ATP2A3: variants seen among roughly 807,000 people sequenced by gnomAD.
ATP2A3 encodes sarcoplasmic/endoplasmic reticulum calcium ATPase 3.
Under a neutral mutation model 106.8 loss-of-function variants are expected in ATP2A3, and 61 were observed. That is an observed-to-expected ratio of 0.57 (90% CI 0.46 to 0.71). ATP2A3 has a LOEUF of 0.71. Among genes scored for constraint, ATP2A3 ranks in the 30% least tolerant of loss-of-function variants. The pLI is 0.00. For missense variants in ATP2A3, 1,201 were observed against 1,423.5 expected (o/e 0.84, Z 2.52); for synonymous variants, 611 against 609.3 (o/e 1.00, Z -0.04).
intron 20 of ATP2A3, chr17:3,927,985 G>A (rs1341844924): frequency 6.2e-7 from 1 of 1,613,940 alleles, no homozygotes; most frequent in Admixed American, 1.7e-5. Flanking sequence ...GCTCACCCCT[G>A]CTTCCTCCCT....
At chr17:3,937,886 G>A (rs974703773) in intron 14 of ATP2A3, among the ~76,000 whole-genome samples, 11 of 152,166 alleles carry the variant, frequency 7.2e-5, no homozygotes, top group African/African-American at 2.7e-4. Flanking sequence ...ATGATGAGGT[G>A]GGGATGGGGA....
chr17:3,924,932 C>A lies in ATP2A3; in HGVS notation c.*490G>T, dbSNP rs1346592388. On this transcript the variant is annotated 3_prime_UTR_variant, in exon 21 of 21. Transcript: ENST00000397041. This position sits in a 1 kb window ranked among gnomAD's most constrained non-coding sequence, Gnocchi z 6.4. ...GATGGCCCCTTCTGATCCCCCAGGG[C>A]TGACCCAGTCCCAGACCAGGCACGA... The A allele has an allele frequency of 2.3e-6, 1 of 437,748 alleles. No homozygotes were observed. Among genetic ancestry groups the A allele is most frequent in the Non-Finnish European group, 4.6e-6 (1 of 218,562 alleles). The allele number at this position is 437,748 out of a possible 1,614,324, so 27.1% of individuals were successfully genotyped here.
chr17:3,956,264 G>T (rs552039905), intron 1 of ATP2A3, among the ~76,000 whole-genome samples: 1 of 152,218 alleles, frequency 6.6e-6, no homozygotes, highest in Admixed American at 6.5e-5. Flanking sequence ...CCAGTCTTTG[G>T]TGCTCATTAT....
At chr17:3,963,346 G>A (rs2055244172) in intron 1 of ATP2A3, among the ~76,000 whole-genome samples, 1 of 152,264 alleles carries the variant, frequency 6.6e-6, no homozygotes, top group Non-Finnish European at 1.5e-5. Flanking sequence ...GGTCCTGCCT[G>A]GAAGGGATGT....
chr17:3,925,536 A>G lies in ATP2A3; in HGVS notation c.2981-95T>C. On this transcript the variant is annotated intron_variant, in intron 20 of 20. Transcript: ENST00000397041. This position sits in a 1 kb window ranked among gnomAD's most constrained non-coding sequence, Gnocchi z 4.2. ...GCCCCTTCCATCCTCCACTTCTCCC[A>G]GGACAGCCCCAGGCTCCCAAGGCCT... 1 of 1,481,812 alleles carries G rather than the reference A, an allele frequency of 6.7e-7. No homozygotes were observed. Among genetic ancestry groups the G allele is most frequent in the Non-Finnish European group, 9.2e-7 (1 of 1,091,542 alleles). The allele number at this position is 1,481,812 out of a possible 1,614,324, so 91.8% of individuals were successfully genotyped here. A position where few individuals can be genotyped will look rare whatever the true frequency, so the allele number is the denominator to read the frequency against.
rs1321747632 is a variant in ATP2A3 at position 3,925,757 on chromosome 17, C to T, written c.2981-316G>A. 2.6e-5 allele frequency among the ~76,000 whole-genome samples: 4 copies of T among 152,252 alleles called. No individual in the cohort carries two copies. The highest frequency in any genetic ancestry group is 6.5e-5 in the Admixed American group (1 of 15,296). ...TATCGTAAGGTTCAGACACCAGGCTCATCCTTGCTTCTCTTGCCCATCACA... is the reference window on the plus strand; with the variant it reads ...TATCGTAAGGTTCAGACACCAGGCTTATCCTTGCTTCTCTTGCCCATCACA... On this transcript the variant is annotated intron_variant, in intron 20 of 20. Coordinates refer to ENST00000397041, the MANE Select transcript of ATP2A3 (RefSeq NM_005173.4). This position sits in a 1 kb window ranked among gnomAD's most constrained non-coding sequence, Gnocchi z 4.2.
intron 14 of ATP2A3, among the ~76,000 whole-genome samples, chr17:3,939,651 G>A (rs2053627953): frequency 6.6e-6 from 1 of 151,806 alleles, no homozygotes; most frequent in Admixed American, 6.6e-5. Context: ...GCTGGGCATG[G>A]TGGTGCGCGC....
intron 6 of ATP2A3, 45 bp from the exon 7 acceptor site, chr17:3,950,641 C>T (rs765095823): frequency 6.2e-7 from 1 of 1,613,746 alleles, no homozygotes. Context: ...GAAGACACGC[C>T]CATCCCTTAG....
chr17:3,944,593 T>C, intron 10 of ATP2A3, 111 bp downstream of exon 10: 1 of 1,093,074 alleles, frequency 9.1e-7, no homozygotes, highest in Non-Finnish European at 1.4e-6. Context: ...TCCCTGGGTG[T>C]GGCACTTCCA....
chr17:3,940,287 C>T (rs757165319), intron 14 of ATP2A3, among the ~76,000 whole-genome samples: 1 of 151,960 alleles, frequency 6.6e-6, no homozygotes, highest in Non-Finnish European at 1.5e-5. Flanking sequence ...AAAAACAGAA[C>T]CACAAACAAC....
At chr17:3,951,542 G>GA in intron 4 of ATP2A3, 39 bp downstream of exon 4, 3 of 1,483,208 alleles carry the variant, frequency 2.0e-6, no homozygotes, top group Non-Finnish European at 2.7e-6. Context: ...GTGGCTGGGA[G>GA]ACCGCCCCCC....
chr17:3,955,280 T>G lies in ATP2A3; in HGVS notation c.119-1570A>C, dbSNP rs1256640345. On this transcript the variant is annotated intron_variant, in intron 1 of 20. Transcript: ENST00000397041. The surrounding 1 kb of genome is among the most constrained non-coding windows in gnomAD (Gnocchi z 4.2). ...TTGGCCTACAGGCATTTTTTTTTCCTACGGGAGCCCTCTCCCCGGACCACC... is the reference window on the plus strand; with the variant it reads ...TTGGCCTACAGGCATTTTTTTTTCCGACGGGAGCCCTCTCCCCGGACCACC... 6.6e-6 allele frequency among the ~76,000 whole-genome samples: 1 copy of G among 152,164 alleles called. No individual in the cohort carries two copies. The highest frequency in any genetic ancestry group is 1.5e-5 in the Non-Finnish European group (1 of 68,014).
In ATP2A3 at chr17:3,950,738, C is replaced by T. The variant is rs528845663; in HGVS notation, c.499G>A (p.Glu167Lys). 2.5e-6 allele frequency: 4 copies of T among 1,613,702 alleles called. No individual in the cohort carries two copies. The highest frequency in any genetic ancestry group is 2.7e-5 in the African/African-American group (2 of 74,902). Residue 167 changes from glutamate to lysine, a missense_variant, in exon 6 of 21, where the codon GAG (glutamate) becomes AAG (lysine). Coordinates refer to ENST00000397041, the MANE Select transcript of ATP2A3 (RefSeq NM_005173.4). ...ACTCGCAGCGTGGTGGACTTGATCT[C>T]GATGAGGCGGAGGTCAGCAGGCACT... The part of the protein sequence containing the change: ...DKVPADLRLI[E>K]IKSTTLRVDQ...
Position 3,955,144 on chromosome 17 carries a change from T to A in ATP2A3, c.119-1434A>T, listed in dbSNP as rs1349083304. ...ACAGTCTCCGGACATCTGTGGCATC[T>A]CCCCGAAGCTCGTTAGCCATGCGGA... On this transcript the variant is annotated intron_variant, in intron 1 of 20. Transcript: ENST00000397041. This position sits in a 1 kb window ranked among gnomAD's most constrained non-coding sequence, Gnocchi z 4.2. Among the ~76,000 whole-genome samples the A allele has an allele frequency of 6.6e-6, 1 of 152,202 alleles. No individual in the cohort carries two copies. Among genetic ancestry groups the A allele is most frequent in the East Asian group, 1.9e-4 (1 of 5,194 alleles).
At chr17:3,959,151 G>C (rs113196399) in intron 1 of ATP2A3, among the ~76,000 whole-genome samples, 199 of 152,048 alleles carry the variant, frequency 1.3e-3, no homozygotes, top group African/African-American at 4.6e-3. Context: ...ACCCACCTCG[G>C]CCTCCCAAGG....
In ATP2A3 at chr17:3,945,060, A is replaced by G; in HGVS notation, c.1184T>C (p.Val395Ala). ...GCGCGTCCCCTGGCCCCGCACTCACACTTCGCCCTCGGGGGTATACGTGGT... is the reference window on the plus strand; with the variant it reads ...GCGCGTCCCCTGGCCCCGCACTCACGCTTCGCCCTCGGGGGTATACGTGGT... ...SGTTYTPEGEVRQGDQPVRCG... is the reference protein window; with the variant it reads ...SGTTYTPEGEARQGDQPVRCG... The change falls in exon 9 of 21, where the codon GTG becomes GCG. Residue 395 changes from valine to alanine, a missense_variant and splice_region_variant. This residue lies in a region of ATP2A3 where 935 missense variants were observed against 1,176.7 expected (regional missense o/e 0.79). Coordinates refer to ENST00000397041, the MANE Select transcript of ATP2A3 (RefSeq NM_005173.4). The G allele has an allele frequency of 6.5e-7, 1 of 1,541,140 alleles. No individual in the cohort carries two copies. The highest frequency in any genetic ancestry group is 8.8e-7 in the Non-Finnish European group (1 of 1,142,600).
Position 3,964,194 on chromosome 17 carries a change from C to G in ATP2A3, c.98G>C (p.Arg33Pro). Reference sequence around the variant, plus strand: ...CTCACCGTTGGGGCCGTAGCGCTCCCGCGCGCCGGTCACCTGCGCCGGGCT... The same window carrying G: ...CTCACCGTTGGGGCCGTAGCGCTCCGGCGCGCCGGTCACCTGCGCCGGGCT... ...GLSPAQVTGA[R>P]ERYGPNELPS... The change falls in exon 1 of 21, where the codon CGG (arginine) becomes CCG (proline). Residue 33 changes from arginine to proline, a missense_variant. Arg to Pro is a moderately radical substitution (Grantham distance 103). Around this residue, in one of 2 missense-constraint regions of ATP2A3, gnomAD observed 266 missense variants for 246.8 expected, o/e 1.08. Transcript: ENST00000397041. 8.0e-7 allele frequency: 1 copy of G among 1,245,042 alleles called. No homozygotes were observed. Among genetic ancestry groups the G allele is most frequent in the Non-Finnish European group, 1.0e-6 (1 of 984,004 alleles). 77.1% of individuals were successfully genotyped at this position (1,245,042 alleles called of 1,614,324 possible).
rs923653756 is a variant in ATP2A3 at position 3,941,031 on chromosome 17, C to T, written c.2040G>A (p.Glu680=). The change falls in exon 14 of 21, where the codon GAG becomes GAA. Residue 680 remains glutamate, a synonymous_variant. Coordinates refer to ENST00000397041, the MANE Select transcript of ATP2A3 (RefSeq NM_005173.4). ...CRTARCFARV[E]PAHKSRIVEN... ...CCACGATGCGGGACTTGTGTGCGGG[C>T]TCCACGCGGGCGAAGCAGCGGGCGG... The T allele has an allele frequency of 1.2e-6, 2 of 1,613,930 alleles. No individual in the cohort carries two copies. The highest frequency in any genetic ancestry group is 1.7e-6 in the Non-Finnish European group (2 of 1,179,814).
intron 15 of ATP2A3, 183 bp downstream of exon 15, chr17:3,937,233 C>T: frequency 1.4e-6 from 1 of 721,358 alleles, no homozygotes; most frequent in Non-Finnish European, 2.3e-6. Context: ...TCACCAGGGC[C>T]TCTGGAGAAT....
Sources: gnomAD v4.1 joint callset for allele counts (sites outside exome capture counted in the v4.1 genomes callset) on GRCh38, gnomAD v4.1.1 for gene constraint, gnomAD v4.1.1 regional missense constraint, Gnocchi (gnomAD v3.1) non-coding constraint, MANE v1.5 for transcripts, NCBI Gene and HGNC (gene_info 2026-07-23, HGNC 2026-07-21) for gene names.